LPCAT1: variants seen among roughly 807,000 people sequenced by gnomAD.
LPCAT1 encodes 1-acylglycerol-3-phosphate O-acyltransferase.
Under a neutral mutation model 60.9 loss-of-function variants are expected in LPCAT1, and 23 were observed. The observed-to-expected ratio is 0.38, with a 90% CI of 0.27 to 0.53. The LOEUF is 0.53. LPCAT1 is among the 20% of genes least tolerant of loss of function. The probability of loss-of-function intolerance (pLI) is 0.82; values close to 1 mark genes in which losing one functional copy is unlikely to be tolerated. For synonymous variants in LPCAT1, 340 were observed against 301.1 expected (o/e 1.13, Z -1.34); for missense variants, 622 against 723.6 (o/e 0.86, Z 1.61).
chr5:1,517,515 C>G (rs1736539630), intron 1 of LPCAT1, among the ~76,000 whole-genome samples: 1 of 152,218 alleles, frequency 6.6e-6, no homozygotes, highest in South Asian at 2.1e-4. Flanking sequence ...CTCAAGGGCG[C>G]TCTGCCCCTG....
At position 1,477,578 on chromosome 5, in the gene LPCAT1, T is replaced by A. The variant is rs1228875296; in HGVS notation, c.817-92A>T. Reference sequence around the variant, plus strand: ...AACTGGGAGGCTGACAAAATTAAGATCTGTCAAAGTAACGCCCATTAGAAC... The same window carrying A: ...AACTGGGAGGCTGACAAAATTAAGAACTGTCAAAGTAACGCCCATTAGAAC... On this transcript the variant is annotated intron_variant, in intron 8 of 13. Transcript: ENST00000283415. The surrounding 1 kb of genome is among the most constrained non-coding windows in gnomAD (Gnocchi z 6.0). 1 of 935,194 alleles carries A rather than the reference T, an allele frequency of 1.1e-6. No homozygotes were observed. The highest frequency in any genetic ancestry group is 1.7e-6 in the Non-Finnish European group (1 of 597,154). 57.9% of individuals were successfully genotyped at this position (935,194 alleles called of 1,614,324 possible).
chr5:1,496,488 G>A lies in LPCAT1; in HGVS notation c.279-1574C>T, dbSNP rs1735797129. Reference sequence around the variant, plus strand: ...TGATGCCTAAGATGGAAGAAACAAGGCAGCGGCGGAGGGAGAAGCGAGGCT... The same window carrying A: ...TGATGCCTAAGATGGAAGAAACAAGACAGCGGCGGAGGGAGAAGCGAGGCT... On this transcript the variant is annotated intron_variant, in intron 2 of 13. Transcript: ENST00000283415. The surrounding 1 kb of genome is among the most constrained non-coding windows in gnomAD (Gnocchi z 4.7). Among the ~76,000 whole-genome samples the A allele has an allele frequency of 6.6e-6, 1 of 152,002 alleles. No homozygotes were observed. Among genetic ancestry groups the A allele is most frequent in the Admixed American group, 6.6e-5 (1 of 15,258 alleles).
chr5:1,509,344 G>A (rs1191107620), intron 1 of LPCAT1, among the ~76,000 whole-genome samples: 1 of 152,250 alleles, frequency 6.6e-6, no homozygotes, highest in Non-Finnish European at 1.5e-5. Context: ...CAACTCCACA[G>A]GATATGCGAC....
Position 1,496,759 on chromosome 5 carries a change from T to C in LPCAT1, c.279-1845A>G, listed in dbSNP as rs1735809878. Among the ~76,000 whole-genome samples the C allele has an allele frequency of 6.6e-6, 1 of 152,092 alleles. No individual in the cohort carries two copies. On this transcript the variant is annotated intron_variant, in intron 2 of 13. Transcript: ENST00000283415. This position sits in a 1 kb window ranked among gnomAD's most constrained non-coding sequence, Gnocchi z 4.7. ...GAATTTTATACCCAAACTATCCACA[T>C]GTGAAAACCCGGACTGCTGGTGTGG...
chr5:1,498,743 C>T (rs763494868), intron 2 of LPCAT1, among the ~76,000 whole-genome samples: 1 of 152,144 alleles, frequency 6.6e-6, no homozygotes, highest in Non-Finnish European at 1.5e-5. Flanking sequence ...TATATACATG[C>T]ACTCACATGT....
At chr5:1,485,222 C>T (rs1735325460) in intron 5 of LPCAT1, among the ~76,000 whole-genome samples, 1 of 152,148 alleles carries the variant, frequency 6.6e-6, no homozygotes, top group Admixed American at 6.5e-5. Context: ...CAGGAAAGTC[C>T]CCAAGAGCAC....
rs1734207802 is a variant in LPCAT1 at position 1,463,779 on chromosome 5, G to T, written c.1477C>A (p.Pro493Thr). The change falls in exon 14 of 14, where the codon CCG becomes ACG. Residue 493 changes from proline (P) to threonine (T), a missense_variant. Pro to Thr is a conservative substitution (Grantham distance 38, BLOSUM62 -1). Transcript: ENST00000283415. The part of the protein sequence containing the change: ...YPAFAEEYLY[P>T]DQTHFESCAE... ...CAGCTTTCGAAATGTGTCTGATCCG[G>T]GTACAGGTATTCCTCTGCGAAGGCA... is the stretch of plus-strand genomic sequence containing the variant. 6.2e-7 allele frequency: 1 copy of T among 1,614,264 alleles called. No homozygotes were observed. The highest frequency in any genetic ancestry group is 2.2e-5 in the East Asian group (1 of 44,878).
chr5:1,467,102 AC>A lies in LPCAT1; in HGVS notation c.1279-213del, dbSNP rs1450877716. 23 of 420,934 alleles carry A rather than the reference AC, an allele frequency of 5.5e-5. No individual in the cohort carries two copies. The Admixed American group carries it at 9.3e-4, about 17-fold the overall frequency. The allele number at this position is 420,934 out of a possible 1,614,324, so 26.1% of individuals were successfully genotyped here. A position where few individuals can be genotyped will look rare whatever the true frequency, so the allele number is the denominator to read the frequency against. On this transcript the variant is annotated intron_variant, in intron 12 of 13. Coordinates refer to ENST00000283415, the MANE Select transcript of LPCAT1 (RefSeq NM_024830.5). ...CTGGCCCCCTCCAGGTGCCTCGTGG[AC>A]ACACAGCAGATGCTTCTCGGGCAAG... is the stretch of plus-strand genomic sequence containing the variant.
intron 1 of LPCAT1, among the ~76,000 whole-genome samples, chr5:1,503,602 G>A (rs1223356512): frequency 2.0e-5 from 3 of 152,202 alleles, no homozygotes; most frequent in Non-Finnish European, 4.4e-5. Context: ...AGTAAGACGC[G>A]CCTGTCCGCT....
At chr5:1,485,613 T>C (rs1168378807) in intron 5 of LPCAT1, among the ~76,000 whole-genome samples, 1 of 152,110 alleles carries the variant, frequency 6.6e-6, no homozygotes, top group African/African-American at 2.4e-5. Flanking sequence ...TCACCCCTTA[T>C]TCACCCTGAC....
rs1735765722 is a variant in LPCAT1 at position 1,495,736 on chromosome 5, T to G, written c.279-822A>C. Among the ~76,000 whole-genome samples, 1 of 152,088 alleles carries G rather than the reference T, an allele frequency of 6.6e-6. No individual in the cohort carries two copies. Among genetic ancestry groups the G allele is most frequent in the Non-Finnish European group, 1.5e-5 (1 of 68,006 alleles). On this transcript the variant is annotated intron_variant, in intron 2 of 13. Transcript: ENST00000283415. This position sits in a 1 kb window ranked among gnomAD's most constrained non-coding sequence, Gnocchi z 4.7. ...GCCACGGCTCACTCGGCCACTGGGT[T>G]AAGTGGGCGCATCACACTGGGTAAA...
At chr5:1,466,115 G>C (rs781562021) in intron 13 of LPCAT1, among the ~76,000 whole-genome samples, 1 of 152,264 alleles carries the variant, frequency 6.6e-6, no homozygotes, top group African/African-American at 2.4e-5. Flanking sequence ...TGGGAGCCTC[G>C]GGTGGATGCA....
rs181640544 is a variant in LPCAT1, at chr5:1,496,293, G to A, written c.279-1379C>T. Among the ~76,000 whole-genome samples the A allele has an allele frequency of 8.1e-4, 124 of 152,196 alleles. No individual in the cohort carries two copies. The highest frequency in any genetic ancestry group is 6.8e-3 in the Middle Eastern group (2 of 292). Reference sequence around the variant, plus strand: ...GGAGAACTGCTTGAACCCAAGGGGCGGAGGTTGCAGTGAGCCGAGATTGCG... The same window carrying A: ...GGAGAACTGCTTGAACCCAAGGGGCAGAGGTTGCAGTGAGCCGAGATTGCG... On this transcript the variant is annotated intron_variant, in intron 2 of 13. Coordinates refer to ENST00000283415, the MANE Select transcript of LPCAT1 (RefSeq NM_024830.5). The surrounding 1 kb of genome is among the most constrained non-coding windows in gnomAD (Gnocchi z 4.7).
Position 1,494,901 on chromosome 5 carries a change from G to A in LPCAT1, c.292C>T (p.Leu98=), listed in dbSNP as rs752292191. 1.2e-6 allele frequency: 2 copies of A among 1,610,076 alleles called. No homozygotes were observed. The highest frequency in any genetic ancestry group is 2.2e-5 in the East Asian group (1 of 44,728). The change falls in exon 3 of 14, where the codon CTG becomes TTG. Residue 98 remains leucine, a synonymous_variant. Transcript: ENST00000283415. ...PALWRKVVDF[L]LKAIMRTMWF... ...ATGGTGCGCATGATGGCCTTCAGCA[G>A]GAAGTCCACAACCCTGCAAAAGAGG...
chr5:1,494,765 G>A lies in LPCAT1; in HGVS notation c.428C>T (p.Pro143Leu), dbSNP rs376037728. 3.1e-6 allele frequency: 5 copies of A among 1,614,128 alleles called. No homozygotes were observed. In the African/African-American group the frequency reaches 6.7e-5, roughly 22 times the overall value. The change falls in exon 3 of 14, where the codon CCT becomes CTT. Residue 143 changes from proline (P) to leucine (L), a missense_variant. Pro to Leu is a moderately conservative substitution (Grantham distance 98, BLOSUM62 -3). Transcript: ENST00000283415. ...GATGGAGGACATCGTCATGGTCACAGGGATGGCGTCGAAGTAGGACGAGTG... is the reference window on the plus strand; with the variant it reads ...GATGGAGGACATCGTCATGGTCACAAGGATGGCGTCGAAGTAGGACGAGTG... ...APHSSYFDAI[P>L]VTMTMSSIVM...
At chr5:1,510,569 C>T (rs144661194) in intron 1 of LPCAT1, among the ~76,000 whole-genome samples, 18 of 152,358 alleles carry the variant, frequency 1.2e-4, no homozygotes, top group East Asian at 1.9e-4. Context: ...GGATGCTGCA[C>T]GGTGTTGAAT....
chr5:1,523,944 G>T lies in LPCAT1; in HGVS notation c.-100C>A. 1.2e-6 allele frequency: 1 copy of T among 856,536 alleles called. No individual in the cohort carries two copies. Among genetic ancestry groups the T allele is most frequent in the Non-Finnish European group, 1.4e-6 (1 of 711,204 alleles). 53.1% of individuals were successfully genotyped at this position (856,536 alleles called of 1,614,324 possible). On this transcript the variant is annotated 5_prime_UTR_variant, in exon 1 of 14. Coordinates refer to ENST00000283415, the MANE Select transcript of LPCAT1 (RefSeq NM_024830.5). The surrounding 1 kb of genome is among the most constrained non-coding windows in gnomAD (Gnocchi z 7.1). ...GTCTCGGGGCGCGGGCCGAGGATGC[G>T]CGGCGGCTGGAGCGGGCCGGGCGCG... is the stretch of plus-strand genomic sequence containing the variant.
chr5:1,489,724 C>A, intron 4 of LPCAT1, 22 bp downstream of exon 4: 2 of 1,515,834 alleles, frequency 1.3e-6, no homozygotes, highest in Non-Finnish European at 1.8e-6. Context: ...CACTGAAACA[C>A]AATCAGGGCT....
chr5:1,509,186 C>T (rs937829351), intron 1 of LPCAT1, among the ~76,000 whole-genome samples: 1 of 152,268 alleles, frequency 6.6e-6, no homozygotes, highest in Non-Finnish European at 1.5e-5. Flanking sequence ...CGCGAGGCCG[C>T]GTCATCCCGC....
Sources: allele counts gnomAD v4.1 joint callset (sites outside exome capture counted in the v4.1 genomes callset), GRCh38; gene constraint gnomAD v4.1.1; non-coding constraint Gnocchi (gnomAD v3.1); transcripts MANE v1.5; gene names NCBI Gene and HGNC (gene_info 2026-07-23, HGNC 2026-07-21).